TMEM132D: variants seen among roughly 807,000 people sequenced by gnomAD.
TMEM132D encodes mature OL transmembrane protein.
TMEM132D carries 21 observed loss-of-function variants against 62.3 expected under a neutral mutation model. The observed-to-expected ratio is 0.34, with a 90% CI of 0.24 to 0.49. The LOEUF is 0.49. Ranked by LOEUF, TMEM132D falls within the 20% of genes least tolerant of loss-of-function variation. The pLI, the probability that TMEM132D is intolerant of heterozygous loss-of-function variation, is 0.99. For synonymous variants in TMEM132D, 621 were observed against 575.6 expected, an observed-to-expected ratio of 1.08 and a Z score of -1.13; for missense variants, 1,346 against 1,402.8, an observed-to-expected ratio of 0.96 and a Z score of 0.65.
chr12:129,792,535 C>T (rs745731335), intron 1 of TMEM132D, among the ~76,000 whole-genome samples: 55 of 152,162 alleles, frequency 3.6e-4, no homozygotes, highest in Non-Finnish European at 7.6e-4. Flanking sequence ...TGTGAGGCAC[C>T]AGGCGCTGTG....
At chr12:129,298,432 CCAT>C (rs1881629125) in intron 4 of TMEM132D, among the ~76,000 whole-genome samples, 1 of 152,108 alleles carries the variant, frequency 6.6e-6, no homozygotes, top group African/African-American at 2.4e-5. Context: ...TTAAGCATAT[CCAT>C]CACACATTTA....
chr12:129,604,899 T>C (rs927992549), intron 2 of TMEM132D, among the ~76,000 whole-genome samples: 1 of 152,078 alleles, frequency 6.6e-6, no homozygotes, highest in African/African-American at 2.4e-5. Context: ...ACTAAGAAAA[T>C]AGTTTAATTA....
At chr12:129,522,787 TATATA>T (rs1875889733) in intron 3 of TMEM132D, 1 of 152,108 alleles carries the variant, frequency 6.6e-6, no homozygotes, top group Non-Finnish European at 1.5e-5. Flanking sequence ...GGTGTGTGTA[TATATA>T]TTACTAATAC....
At chr12:129,426,857 G>A (rs917729740) in intron 3 of TMEM132D, among the ~76,000 whole-genome samples, 9 of 152,230 alleles carry the variant, frequency 5.9e-5, no homozygotes, top group African/African-American at 1.7e-4. Flanking sequence ...CTGTGGCACT[G>A]TGCATGCAGC....
chr12:129,739,650 G>A (rs1429968538), intron 1 of TMEM132D, among the ~76,000 whole-genome samples: 1 of 152,188 alleles, frequency 6.6e-6, no homozygotes, highest in Non-Finnish European at 1.5e-5. Flanking sequence ...CCCAATGAAT[G>A]AGATGGATAT....
rs535038521 is a variant in TMEM132D, at chr12:129,431,316, G to A, written c.1116-93499C>T. On this transcript the variant is annotated intron_variant, in intron 3 of 8. Coordinates refer to ENST00000422113, the MANE Select transcript of TMEM132D (RefSeq NM_133448.3). ...GCTACATCTCTGGATTTCCCAAATCGTTCTCCCTCTCTGCTTCAGATTTTC... is the reference window on the plus strand; with the variant it reads ...GCTACATCTCTGGATTTCCCAAATCATTCTCCCTCTCTGCTTCAGATTTTC... 3.3e-5 allele frequency among the ~76,000 whole-genome samples: 5 copies of A among 152,092 alleles called. No homozygotes were observed. In the East Asian group the frequency reaches 7.7e-4, roughly 23 times the overall value.
intron 3 of TMEM132D, among the ~76,000 whole-genome samples, chr12:129,351,345 C>A (rs1347452750): frequency 1.3e-5 from 2 of 152,294 alleles, no homozygotes; most frequent in African/African-American, 4.8e-5. Flanking sequence ...TCCCCACAGG[C>A]ACCTACAATC....
At chr12:129,763,432 C>CTCTTT (rs1870448343) in intron 1 of TMEM132D, among the ~76,000 whole-genome samples, 1 of 142,558 alleles carries the variant, frequency 7.0e-6, no homozygotes, top group Non-Finnish European at 1.5e-5. Flanking sequence ...AGATTTCTGG[C>CTCTTT]TTTTTTTTTT....
intron 4 of TMEM132D, among the ~76,000 whole-genome samples, chr12:129,263,775 G>A (rs985053934): frequency 6.6e-6 from 1 of 151,984 alleles, no homozygotes; most frequent in Non-Finnish European, 1.5e-5. Context: ...GAAAGCAGAA[G>A]GTGAGTAGCA....
intron 1 of TMEM132D, among the ~76,000 whole-genome samples, chr12:129,701,220 G>C (rs1881378236): frequency 1.3e-5 from 2 of 152,264 alleles, no homozygotes; most frequent in South Asian, 2.1e-4. Flanking sequence ...TGCACGTTCT[G>C]CATATACGCA....
intron 1 of TMEM132D, among the ~76,000 whole-genome samples, chr12:129,767,798 C>T (rs57903789): frequency 7.2e-5 from 11 of 152,276 alleles, no homozygotes; most frequent in South Asian, 2.1e-4. Flanking sequence ...TCTGTTTTCA[C>T]GCTGCTGATA....
chr12:129,750,076 G>A (rs1331140638), intron 1 of TMEM132D, among the ~76,000 whole-genome samples: 1 of 151,972 alleles, frequency 6.6e-6, no homozygotes, highest in African/African-American at 2.4e-5. Context: ...GTCAGAGGAT[G>A]CCCTTTATTT....
intron 5 of TMEM132D, among the ~76,000 whole-genome samples, chr12:129,125,046 C>T (rs1593269121): frequency 6.6e-6 from 1 of 152,194 alleles, no homozygotes; most frequent in African/African-American, 2.4e-5. Context: ...AAAGCCCATT[C>T]TGGCAAGGCT....
At chr12:129,088,739 A>C (rs868166750) in intron 5 of TMEM132D, among the ~76,000 whole-genome samples, 11 of 19,812 alleles carry the variant, frequency 5.6e-4, no homozygotes, top group Non-Finnish European at 6.7e-4. Flanking sequence ...GGTGTCCTCC[A>C]TGACCGGGGT....
intron 4 of TMEM132D, among the ~76,000 whole-genome samples, chr12:129,217,900 A>G (rs1323363093): frequency 6.6e-6 from 1 of 152,044 alleles, no homozygotes. Flanking sequence ...GAGGACATCC[A>G]TTTTCCTTTG....
intron 4 of TMEM132D, among the ~76,000 whole-genome samples, chr12:129,312,361 A>T (rs1464160846): frequency 6.6e-6 from 1 of 152,194 alleles, no homozygotes; most frequent in East Asian, 1.9e-4. Context: ...AGATTTATTA[A>T]GTTTTAGAAT....
At chr12:129,079,953 T>C (rs1046657282) in intron 7 of TMEM132D, among the ~76,000 whole-genome samples, 4 of 152,198 alleles carry the variant, frequency 2.6e-5, no homozygotes, top group Admixed American at 1.3e-4. Flanking sequence ...CAGAACGGTA[T>C]GGCTTTTCCC....
chr12:129,704,094 A>G lies in TMEM132D; in HGVS notation c.80-3396T>C, dbSNP rs1489556632. On this transcript the variant is annotated intron_variant, in intron 1 of 8. Transcript: ENST00000422113. ...CCTAATTATGTTTTGATTTCCAATAAACAGAAATATTCCATAGGGCATGCT... is the reference window on the plus strand; with the variant it reads ...CCTAATTATGTTTTGATTTCCAATAGACAGAAATATTCCATAGGGCATGCT... Among the ~76,000 whole-genome samples the G allele has an allele frequency of 6.6e-5, 10 of 152,360 alleles. No individual in the cohort carries two copies. In the East Asian group the frequency reaches 1.9e-3, roughly 29 times the overall value.
At chr12:129,160,966 C>T (rs1021616336) in intron 5 of TMEM132D, among the ~76,000 whole-genome samples, 2 of 152,338 alleles carry the variant, frequency 1.3e-5, no homozygotes, top group African/African-American at 4.8e-5. Context: ...GCATCACTCT[C>T]TGCAGAAAAA....
Sources: gnomAD v4.1 joint callset for allele counts (sites outside exome capture counted in the v4.1 genomes callset) on GRCh38, gnomAD v4.1.1 for gene constraint, MANE v1.5 for transcripts, NCBI Gene and HGNC (gene_info 2026-07-23, HGNC 2026-07-21) for gene names.